Variants in ALOX5AP observed in about 807,000 individuals in gnomAD.
ALOX5AP encodes arachidonate 5-lipoxygenase activating protein, also known as arachidonate 5-lipoxygenase-activating protein.
ALOX5AP carries 9 observed loss-of-function variants against 18.5 expected under a neutral mutation model. The ratio of observed to expected loss-of-function variants is 0.49; its 90% CI spans 0.29 to 0.85. The LOEUF (loss-of-function observed/expected upper bound fraction) is 0.85. Among genes scored for constraint, ALOX5AP ranks in the 40% least tolerant of loss-of-function variants. ALOX5AP has a pLI of 0.08. For missense variants in ALOX5AP, 172 were observed against 202.5 expected, an observed-to-expected ratio of 0.85 and a Z score of 0.91; for synonymous variants, 81 against 78.6, an observed-to-expected ratio of 1.03 and a Z score of -0.16.
chr13:30,755,336 C>G (rs1378841376), intron 3 of ALOX5AP, among the ~76,000 whole-genome samples: 1 of 152,212 alleles, frequency 6.6e-6, no homozygotes, highest in Non-Finnish European at 1.5e-5. Flanking sequence ...TTTAAGAGAA[C>G]CAGTTTCAGA....
At chr13:30,737,636 C>G (rs4293222) in intron 1 of ALOX5AP, among the ~76,000 whole-genome samples, 82,014 of 151,934 alleles carry the variant, frequency 0.54, 24,628 homozygotes, top group Non-Finnish European at 0.68. Flanking sequence ...TAGAATGGAC[C>G]AGCTGGGAGC....
rs562101062 is a variant in ALOX5AP at position 30,762,826 on chromosome 13, C to T, written c.324-1118C>T. Among the ~76,000 whole-genome samples, 13 of 152,200 alleles carry T rather than the reference C, an allele frequency of 8.5e-5. No homozygotes were observed. In the South Asian group the frequency reaches 2.1e-3, roughly 24 times the overall value. ...TCCCAGGATCTTTACTAACAATCCT[C>T]CTGAGTCATTTGGACTTTCCCAACC... On this transcript the variant is annotated intron_variant, in intron 4 of 4. Transcript: ENST00000380490.
At chr13:30,740,201 T>C (rs1951752058) in intron 1 of ALOX5AP, among the ~76,000 whole-genome samples, 1 of 152,230 alleles carries the variant, frequency 6.6e-6, no homozygotes, top group Admixed American at 6.5e-5. Flanking sequence ...AATCTACGTA[T>C]GAGTTATTTT....
upstream of ALOX5AP, among the ~76,000 whole-genome samples, chr13:30,733,958 C>T (rs1951701256): frequency 6.6e-6 from 1 of 152,172 alleles, no homozygotes; most frequent in African/African-American, 2.4e-5. Context: ...CACCATTGCC[C>T]TCCTTGATGC....
chr13:30,760,583 C>A (rs1418491741), intron 4 of ALOX5AP, among the ~76,000 whole-genome samples: 1 of 152,202 alleles, frequency 6.6e-6, no homozygotes, highest in South Asian at 2.1e-4. Context: ...TCCTGGTCTC[C>A]GAAGTCTGAA....
intron 1 of ALOX5AP, among the ~76,000 whole-genome samples, chr13:30,741,391 C>CTTTTTTTTTT (rs34793607): frequency 7.0e-5 from 9 of 128,772 alleles, no homozygotes; most frequent in African/African-American, 8.6e-5. Flanking sequence ...CTTGTTTTGT[C>CTTTTTTTTTT]TTTTTTTTTT....
chr13:30,735,581 C>A lies in ALOX5AP; in HGVS notation c.-25C>A. ...GTTGTGCAGCTGGAGGCAGAGCAGT[C>A]CTCTCTGGGGAGCCTGAAGCAAACA... On this transcript the variant is annotated 5_prime_UTR_variant, in exon 1 of 5. Coordinates refer to ENST00000380490, the MANE Select transcript of ALOX5AP (RefSeq NM_001629.4). 1.2e-6 allele frequency: 2 copies of A among 1,613,904 alleles called. No homozygotes were observed. The highest frequency in any genetic ancestry group is 1.7e-6 in the Non-Finnish European group (2 of 1,179,934).
At chr13:30,730,064 G>T (rs995686186) in intron 1 of ALOX5AP, among the ~76,000 whole-genome samples, 1 of 152,204 alleles carries the variant, frequency 6.6e-6, no homozygotes, top group African/African-American at 2.4e-5. Context: ...TATGGACTTT[G>T]TCTTCTATTT....
chr13:30,721,520 C>T (rs1951593877), intron 1 of ALOX5AP, among the ~76,000 whole-genome samples: 1 of 151,916 alleles, frequency 6.6e-6, no homozygotes, highest in Non-Finnish European at 1.5e-5. Context: ...GTAAACAGAC[C>T]CTCAATGCAC....
At chr13:30,732,881 C>T (rs545613634), upstream of ALOX5AP, among the ~76,000 whole-genome samples, 1 of 152,028 alleles carries the variant, frequency 6.6e-6, no homozygotes, top group East Asian at 1.9e-4. Context: ...GGGGGCCGGG[C>T]GCGGTGGCTC....
At chr13:30,739,150 C>T (rs928623416) in intron 1 of ALOX5AP, among the ~76,000 whole-genome samples, 1 of 152,120 alleles carries the variant, frequency 6.6e-6, no homozygotes, top group African/African-American at 2.4e-5. Context: ...AACTCACAAA[C>T]TTCCAAGCTT....
chr13:30,750,048 G>A (rs1951839484), intron 2 of ALOX5AP, among the ~76,000 whole-genome samples: 1 of 152,118 alleles, frequency 6.6e-6, no homozygotes, highest in Non-Finnish European at 1.5e-5. Flanking sequence ...AGCATCACAT[G>A]GAGGGCTTGT....
At chr13:30,746,061 C>A (rs538854934) in intron 2 of ALOX5AP, among the ~76,000 whole-genome samples, 1 of 152,164 alleles carries the variant, frequency 6.6e-6, no homozygotes, top group Non-Finnish European at 1.5e-5. Context: ...CACGTGCCCC[C>A]GGGAGTGAAC....
At chr13:30,745,864 G>A (rs1013997089) in intron 2 of ALOX5AP, among the ~76,000 whole-genome samples, 36 of 152,350 alleles carry the variant, frequency 2.4e-4, no homozygotes, top group African/African-American at 7.5e-4. Flanking sequence ...TGCTATATCA[G>A]TTTGGAAAGA....
chr13:30,759,886 C>T (rs1442253014), intron 4 of ALOX5AP, among the ~76,000 whole-genome samples: 1 of 152,226 alleles, frequency 6.6e-6, no homozygotes, highest in Non-Finnish European at 1.5e-5. Context: ...ATCAGAATCT[C>T]TGCCAGAGGA....
intron 2 of ALOX5AP, among the ~76,000 whole-genome samples, chr13:30,744,915 A>G (rs1360646821): frequency 8.5e-5 from 13 of 152,208 alleles, no homozygotes; most frequent in Admixed American, 8.5e-4. Context: ...TAGAGAGCTA[A>G]GGGAGGAGCT....
At chr13:30,741,103 CTTTTTTTTTTTTTTTTTTTTTTT>C (rs59980433) in intron 1 of ALOX5AP, among the ~76,000 whole-genome samples, 4 of 64,008 alleles carry the variant, frequency 6.2e-5, no homozygotes, top group Admixed American at 2.3e-4. Flanking sequence ...CCTCCATATC[CTTTTTTTTTTTTTTTTTTTTTTT>C]TTTTTTTTTT....
intron 3 of ALOX5AP, among the ~76,000 whole-genome samples, chr13:30,752,607 G>A (rs879533577): frequency 6.6e-6 from 1 of 152,242 alleles, no homozygotes; most frequent in Non-Finnish European, 1.5e-5. Context: ...ACTTGAGCAA[G>A]TTGGAAAGAC....
intron 1 of ALOX5AP, among the ~76,000 whole-genome samples, chr13:30,714,700 A>T (rs1951536252): frequency 6.6e-6 from 1 of 152,000 alleles, no homozygotes; most frequent in Non-Finnish European, 1.5e-5. Flanking sequence ...AGATGTGGGA[A>T]ACATTGGTGG....
Sources: gnomAD v4.1 joint callset for allele counts (sites outside exome capture counted in the v4.1 genomes callset) on GRCh38, gnomAD v4.1.1 for gene constraint, MANE v1.5 for transcripts, NCBI Gene and HGNC (gene_info 2026-07-23, HGNC 2026-07-21) for gene names.